The following DENND2A variants were observed in gnomAD, a reference collection of about 807,000 sequenced individuals.
DENND2A encodes DENN domain-containing protein 2A.
DENND2A carries 53 observed loss-of-function variants against 105.3 expected under a neutral mutation model. The ratio of observed to expected loss-of-function variants is 0.50; its 90% CI spans 0.40 to 0.63. The LOEUF (loss-of-function observed/expected upper bound fraction) is 0.63. Among genes scored for constraint, DENND2A ranks in the 30% least tolerant of loss-of-function variants. DENND2A has a pLI of 0.00. For synonymous variants in DENND2A, 522 were observed against 508.4 expected, an observed-to-expected ratio of 1.03 and a Z score of -0.36; for missense variants, 1,138 against 1,279.6, an observed-to-expected ratio of 0.89 and a Z score of 1.69.
At chr7:140,519,316 C>A (rs534868771) in intron 19 of DENND2A, among the ~76,000 whole-genome samples, 2 of 152,338 alleles carry the variant, frequency 1.3e-5, no homozygotes, top group South Asian at 4.1e-4. Flanking sequence ...TCTTGCCAGA[C>A]GTCCTTGTCT....
chr7:140,617,333 G>A (rs142141519), intron 1 of DENND2A, among the ~76,000 whole-genome samples: 14 of 152,272 alleles, frequency 9.2e-5, no homozygotes, highest in East Asian at 1.9e-4. Context: ...AGGCTCCCCC[G>A]TACTCTAAAG....
In DENND2A at chr7:140,523,497, A is replaced by T; in HGVS notation, c.2548-73T>A. On this transcript the variant is annotated intron_variant, in intron 16 of 19. Transcript: ENST00000496613. This position sits in a 1 kb window ranked among gnomAD's most constrained non-coding sequence, Gnocchi z 4.5. Reference sequence around the variant, plus strand: ...CTTGGCCATAGGACACACTGGAGCCACTGCAGGGCAGGCCTGGCTCAGTCT... The same window carrying T: ...CTTGGCCATAGGACACACTGGAGCCTCTGCAGGGCAGGCCTGGCTCAGTCT... The T allele has an allele frequency of 7.6e-7, 1 of 1,312,514 alleles. No homozygotes were observed. The highest frequency in any genetic ancestry group is 1.1e-6 in the Non-Finnish European group (1 of 914,304). The allele number at this position is 1,312,514 out of a possible 1,614,324, so 81.3% of individuals were successfully genotyped here.
intron 3 of DENND2A, among the ~76,000 whole-genome samples, chr7:140,593,214 T>C (rs1409772395): frequency 4.6e-5 from 7 of 152,188 alleles, no homozygotes; most frequent in Non-Finnish European, 8.8e-5. Context: ...GTTTAATAAG[T>C]AAACATGCGA....
Position 140,587,752 on chromosome 7 carries a change from G to A in DENND2A, c.1024C>T (p.Gln342Ter). The change falls in exon 4 of 20, where the codon CAG becomes TAG. Residue 342 changes from glutamine to a stop codon, truncating the protein, a stop_gained. Transcript: ENST00000496613. LOFTEE classifies it high-confidence loss of function. ...ACCCTGCTGCTCTCAGAGGAAGACT[G>A]CAGTAAATCTTCAAACTCATAGGAC... ...RKSYEFEDLL[Q>*]SSSESSRVDW... The A allele has an allele frequency of 6.2e-7, 1 of 1,605,668 alleles. No individual in the cohort carries two copies. The highest frequency in any genetic ancestry group is 1.1e-5 in the South Asian group (1 of 90,560).
rs963495871 is a variant in DENND2A at position 140,601,558 on chromosome 7, G to A, written c.840C>T (p.Asp280=). Reference sequence around the variant, plus strand: ...AGCCGATGCCAGGCTTCCCATCTTTGTCCCCTTCTCCGGCATGTTTGAACG... The same window carrying A: ...AGCCGATGCCAGGCTTCCCATCTTTATCCCCTTCTCCGGCATGTTTGAACG... ...RRTFKHAGEG[D]KDGKPGIGFR... is the part of the protein sequence containing the mutation. Residue 280 remains aspartate, a synonymous_variant, in exon 3 of 20, where the codon GAC becomes GAT. Coordinates refer to ENST00000496613, the MANE Select transcript of DENND2A (RefSeq NM_015689.5). 2.5e-6 allele frequency: 4 copies of A among 1,614,090 alleles called. No individual in the cohort carries two copies. Among genetic ancestry groups the A allele is most frequent in the East Asian group, 2.2e-5 (1 of 44,878 alleles).
intron 12 of DENND2A, among the ~76,000 whole-genome samples, chr7:140,553,652 C>A (rs1245864545): frequency 6.6e-6 from 1 of 152,182 alleles, no homozygotes; most frequent in Non-Finnish European, 1.5e-5. Flanking sequence ...CGGCCTTCCG[C>A]AGTGTTTGTG....
chr7:140,555,817 A>G (rs1797342755), intron 11 of DENND2A, 104 bp from the exon 12 acceptor site: 1 of 885,914 alleles, frequency 1.1e-6, no homozygotes, highest in Non-Finnish European at 1.7e-6. Context: ...ATGTTTCCAC[A>G]TATCATAGCT....
upstream of DENND2A, among the ~76,000 whole-genome samples, chr7:140,641,031 G>C (rs563410035): frequency 7.7e-4 from 118 of 152,262 alleles, no homozygotes; most frequent in African/African-American, 2.6e-3. Flanking sequence ...CGCCGCGCGC[G>C]GGCTCCATTC....
intron 1 of DENND2A, among the ~76,000 whole-genome samples, chr7:140,607,738 A>G (rs1053828094): frequency 6.6e-6 from 1 of 152,154 alleles, no homozygotes; most frequent in African/African-American, 2.4e-5. Context: ...AGAGGGCCCC[A>G]GTGGACGTCA....
chr7:140,593,205 T>A (rs904050611), intron 3 of DENND2A, among the ~76,000 whole-genome samples: 24 of 152,154 alleles, frequency 1.6e-4, no homozygotes, highest in African/African-American at 5.6e-4. Context: ...CGCCTGCAAG[T>A]TTAATAAGTA....
Position 140,559,117 on chromosome 7 carries a change from C to T in DENND2A, c.1889+591G>A, listed in dbSNP as rs113632044. 6.5e-3 allele frequency among the ~76,000 whole-genome samples: 995 copies of T among 152,210 alleles called. 15 individuals are homozygous for T. Among genetic ancestry groups the T allele is most frequent in the African/African-American group, 0.023 (949 of 41,538 alleles). On this transcript the variant is annotated intron_variant, in intron 10 of 19. Coordinates refer to ENST00000496613, the MANE Select transcript of DENND2A (RefSeq NM_015689.5). This position sits in a 1 kb window ranked among gnomAD's most constrained non-coding sequence, Gnocchi z 4.1. ...CTAGGGATGTGACTCGGTGAGGGAGCAGCGGAAGATGGGGACAGTTCTGTG... is the reference window on the plus strand; with the variant it reads ...CTAGGGATGTGACTCGGTGAGGGAGTAGCGGAAGATGGGGACAGTTCTGTG...
upstream of DENND2A, among the ~76,000 whole-genome samples, chr7:140,641,215 T>C (rs141658778): frequency 9.8e-3 from 1,481 of 151,814 alleles, 22 homozygotes; most frequent in African/African-American, 0.033. Flanking sequence ...GGCACCACCC[T>C]TGCCCCAGGC....
At chr7:140,544,122 C>T (rs1796794724) in intron 14 of DENND2A, 1 of 202,400 alleles carries the variant, frequency 4.9e-6, no homozygotes, top group Non-Finnish European at 1.0e-5. Context: ...GAACTCCTGA[C>T]CTCAGGTGAT....
At chr7:140,547,500 T>C (rs1010562153) in intron 12 of DENND2A, among the ~76,000 whole-genome samples, 4 of 152,176 alleles carry the variant, frequency 2.6e-5, no homozygotes, top group Admixed American at 1.3e-4. Flanking sequence ...GACAAGGACA[T>C]GGAGAAATTA....
intron 1 of DENND2A, among the ~76,000 whole-genome samples, chr7:140,625,939 A>G (rs571633497): frequency 1.8e-3 from 277 of 152,292 alleles, no homozygotes; most frequent in Non-Finnish European, 3.1e-3. Flanking sequence ...AGCTGATACA[A>G]ATTGAGCACT....
At position 140,564,117 on chromosome 7, in the gene DENND2A, T is replaced by C. The variant is rs531829430; in HGVS notation, c.1779+2969A>G. On this transcript the variant is annotated intron_variant, in intron 9 of 19. Coordinates refer to ENST00000496613, the MANE Select transcript of DENND2A (RefSeq NM_015689.5). ...GACCATTATGGTGAAACCCCATCTC[T>C]ACTAAAAATACAAAAATTAGTTGGG... Among the ~76,000 whole-genome samples the C allele has an allele frequency of 4.6e-5, 7 of 152,252 alleles. No homozygotes were observed. The South Asian group carries it at 1.2e-3, about 27-fold the overall frequency.
intron 13 of DENND2A, among the ~76,000 whole-genome samples, chr7:140,546,148 G>A (rs989185182): frequency 3.9e-5 from 6 of 152,100 alleles, no homozygotes; most frequent in South Asian, 4.1e-4. Flanking sequence ...GGCTGGGCGC[G>A]GTGGCTCACG....
chr7:140,540,047 G>T (rs1237431759), intron 14 of DENND2A, among the ~76,000 whole-genome samples: 1 of 152,358 alleles, frequency 6.6e-6, no homozygotes, highest in East Asian at 1.9e-4. Context: ...ATGCTCAGGG[G>T]TCCCCCCTAC....
intron 15 of DENND2A, 91 bp from the exon 16 acceptor site, chr7:140,525,883 G>T: frequency 8.9e-7 from 1 of 1,120,202 alleles, no homozygotes; most frequent in Non-Finnish European, 1.2e-6. Context: ...GGCATGCAGA[G>T]AGGCAGCTGG....
Sources: gnomAD v4.1 joint callset for allele counts (sites outside exome capture counted in the v4.1 genomes callset) on GRCh38, gnomAD v4.1.1 for gene constraint, Gnocchi (gnomAD v3.1) non-coding constraint, MANE v1.5 for transcripts, NCBI Gene and HGNC (gene_info 2026-07-23, HGNC 2026-07-21) for gene names.